CNBD1: variants seen among roughly 807,000 people sequenced by gnomAD.
CNBD1 encodes the protein cyclic nucleotide binding domain containing 1.
In CNBD1, 71 loss-of-function variants were observed where a neutral mutation model predicts 54.4. That is an observed-to-expected ratio of 1.30 (90% confidence interval 1.08 to 1.59). The LOEUF is 1.59. CNBD1 is among the 40% of genes most tolerant of loss of function. The pLI, the probability that CNBD1 is intolerant of heterozygous loss-of-function variation, is 0.00. For synonymous variants in CNBD1, 182 were observed against 170.7 expected, an observed-to-expected ratio of 1.07 and a Z score of -0.51; for missense variants, 659 against 518.0, an observed-to-expected ratio of 1.27 and a Z score of -2.64.
At chr8:86,881,021 A>G (rs949184488) in intron 1 of CNBD1, among the ~76,000 whole-genome samples, 3 of 152,176 alleles carry the variant, frequency 2.0e-5, no homozygotes, top group Non-Finnish European at 2.9e-5. Context: ...TTGAAGGAAC[A>G]TACCTCAAAA....
chr8:87,205,878 A>C, intron 4 of CNBD1, 115 bp from the exon 5 acceptor site: 1 of 840,210 alleles, frequency 1.2e-6, no homozygotes, highest in Non-Finnish European at 1.6e-6. Context: ...GTTCTTTTTT[A>C]AAAACCCTTA....
At chr8:87,137,966 A>G (rs1289674496) in intron 4 of CNBD1, among the ~76,000 whole-genome samples, 2 of 152,162 alleles carry the variant, frequency 1.3e-5, no homozygotes, top group Non-Finnish European at 1.5e-5. Flanking sequence ...TTGGGGGGAA[A>G]AAAGGAGAAG....
downstream of CNBD1, among the ~76,000 whole-genome samples, chr8:87,385,844 T>A (rs1811172400): frequency 6.6e-6 from 1 of 151,958 alleles, no homozygotes; most frequent in Non-Finnish European, 1.5e-5. Context: ...GACCCCCGAG[T>A]AGCCTAACTG....
intron 4 of CNBD1, among the ~76,000 whole-genome samples, chr8:87,173,203 A>C (rs1229436011): frequency 6.6e-6 from 1 of 151,996 alleles, no homozygotes; most frequent in East Asian, 1.9e-4. Context: ...CCACTTTTTA[A>C]CTTTTTGTTA....
chr8:87,101,292 T>C (rs1811424885), intron 4 of CNBD1, among the ~76,000 whole-genome samples: 1 of 152,044 alleles, frequency 6.6e-6, no homozygotes, highest in Admixed American at 6.6e-5. Flanking sequence ...AGGAAAAACA[T>C]AATTATAGTG....
chr8:87,087,712 C>T (rs538701465), intron 4 of CNBD1, among the ~76,000 whole-genome samples: 4 of 152,026 alleles, frequency 2.6e-5, no homozygotes, highest in African/African-American at 4.8e-5. Flanking sequence ...GTGATCCGCC[C>T]GCCTCGGCCT....
intron 2 of CNBD1, among the ~76,000 whole-genome samples, chr8:87,392,406 A>T (rs534291866): frequency 2.8e-4 from 42 of 152,176 alleles, no homozygotes; most frequent in African/African-American, 9.9e-4. Context: ...AGAAACAACT[A>T]AAAAGTTCAT....
At chr8:87,401,604 G>T (rs1240751490) in intron 2 of CNBD1, among the ~76,000 whole-genome samples, 1 of 151,970 alleles carries the variant, frequency 6.6e-6, no homozygotes, top group Non-Finnish European at 1.5e-5. Flanking sequence ...GCATATTTCA[G>T]TTAGAGGTTG....
intron 5 of CNBD1, among the ~76,000 whole-genome samples, chr8:87,210,129 C>T (rs573547576): frequency 1.1e-4 from 17 of 152,228 alleles, no homozygotes; most frequent in Middle Eastern, 6.8e-3. Context: ...TTATGAGTGA[C>T]GACTTACAGT....
At chr8:87,296,398 A>G (rs1672641195) in intron 8 of CNBD1, among the ~76,000 whole-genome samples, 1 of 152,078 alleles carries the variant, frequency 6.6e-6, no homozygotes, top group African/African-American at 2.4e-5. Context: ...TAGGGGAGGG[A>G]GAAAGGGGGA....
chr8:87,048,706 A>G (rs1810251505), intron 4 of CNBD1, among the ~76,000 whole-genome samples: 1 of 152,186 alleles, frequency 6.6e-6, no homozygotes, highest in South Asian at 2.1e-4. Flanking sequence ...ATGTCTATCT[A>G]TACTAAAAGA....
At chr8:87,238,692 C>T (rs554577768) in intron 6 of CNBD1, among the ~76,000 whole-genome samples, 1 of 152,080 alleles carries the variant, frequency 6.6e-6, no homozygotes, top group South Asian at 2.1e-4. Flanking sequence ...GTCTACCTAC[C>T]TACCTACCAA....
intron 4 of CNBD1, among the ~76,000 whole-genome samples, chr8:86,983,904 G>A (rs117524815): frequency 0.033 from 4,951 of 152,260 alleles, 126 homozygotes; most frequent in Middle Eastern, 0.061. Context: ...AGAAATTCAA[G>A]CCAATTGCAG....
At chr8:86,937,421 A>G (rs1809568677) in intron 3 of CNBD1, among the ~76,000 whole-genome samples, 1 of 152,066 alleles carries the variant, frequency 6.6e-6, no homozygotes, top group African/African-American at 2.4e-5. Context: ...TTTCAAAACC[A>G]ATTGTACCTT....
chr8:87,235,165 A>T (rs936382802), intron 5 of CNBD1, among the ~76,000 whole-genome samples: 1 of 152,122 alleles, frequency 6.6e-6, no homozygotes, highest in African/African-American at 2.4e-5. Flanking sequence ...CATTTAAGAG[A>T]ATGTTGTGGC....
At chr8:87,251,911 T>C (rs1446567953) in intron 6 of CNBD1, among the ~76,000 whole-genome samples, 2 of 122,982 alleles carry the variant, frequency 1.6e-5, no homozygotes, top group Non-Finnish European at 3.9e-5. Flanking sequence ...GAAGAAAGTA[T>C]TTTTTTTTTC....
chr8:86,907,136 G>T (rs951277382), intron 3 of CNBD1, among the ~76,000 whole-genome samples: 1 of 152,186 alleles, frequency 6.6e-6, no homozygotes, highest in Non-Finnish European at 1.5e-5. Flanking sequence ...CACACATCAT[G>T]TAATAGGTCT....
At chr8:86,934,887 G>A (rs1809517638) in intron 3 of CNBD1, among the ~76,000 whole-genome samples, 1 of 152,088 alleles carries the variant, frequency 6.6e-6, no homozygotes, top group Non-Finnish European at 1.5e-5. Flanking sequence ...AGTGACACTG[G>A]CTTGTAATCT....
chr8:86,916,559 A>C (rs80253409), intron 3 of CNBD1, among the ~76,000 whole-genome samples: 1 of 45,888 alleles, frequency 2.2e-5, no homozygotes, highest in Admixed American at 2.6e-4. Context: ...AAACTCTGCC[A>C]TTTTACCTCA....
Sources: gnomAD v4.1 joint callset for allele counts (sites outside exome capture counted in the v4.1 genomes callset) on GRCh38, gnomAD v4.1.1 for gene constraint, MANE v1.5 for transcripts, NCBI Gene and HGNC (gene_info 2026-07-23, HGNC 2026-07-21) for gene names.